ZNF208: variants seen among roughly 807,000 people sequenced by gnomAD.
The protein encoded by ZNF208 is zinc finger protein 208, also known as zinc finger protein 95.
A neutral mutation model predicts 12.1 loss-of-function variants in ZNF208; 10 were observed. The ratio of observed to expected loss-of-function variants is 0.83; its 90% confidence interval spans 0.51 to 1.40. The LOEUF (loss-of-function observed/expected upper bound fraction) is 1.40. Ranked by LOEUF, ZNF208 falls within the 40% of genes most tolerant of loss-of-function variation. The pLI is 0.00. For synonymous variants in ZNF208, 497 were observed against 488.4 expected (o/e 1.02, Z -0.23); for missense variants, 1,652 against 1,485.0 (o/e 1.11, Z -1.85).
chr19:22,009,936 A>G (rs140157801), intron 1 of ZNF208, among the ~76,000 whole-genome samples: 3 of 152,330 alleles, frequency 2.0e-5, no homozygotes, highest in African/African-American at 7.2e-5. Context: ...CTATAATCCC[A>G]GCATTTTGGG....
chr19:21,975,823 C>CAAAAA (rs532995268), intron 3 of ZNF208, among the ~76,000 whole-genome samples: 2 of 26,408 alleles, frequency 7.6e-5, no homozygotes, highest in African/African-American at 1.3e-4. Flanking sequence ...AGTCAAAGTC[C>CAAAAA]AAAAAAAAAA....
At chr19:21,944,386 A>G (rs182665599) in intron 4 of ZNF208, among the ~76,000 whole-genome samples, 57 of 152,344 alleles carry the variant, frequency 3.7e-4, no homozygotes, top group African/African-American at 1.2e-3. Flanking sequence ...CAAAGTCACA[A>G]TGTAGAAACC....
At chr19:21,975,896 A>AT (rs944269776) in intron 3 of ZNF208, among the ~76,000 whole-genome samples, 1 of 95,822 alleles carries the variant, frequency 1.0e-5, no homozygotes, top group African/African-American at 4.3e-5. Context: ...GTCCTGCCTA[A>AT]TGGGGGAAAA....
At chr19:21,950,203 A>G (rs1969869291) in intron 4 of ZNF208, among the ~76,000 whole-genome samples, 1 of 152,206 alleles carries the variant, frequency 6.6e-6, no homozygotes, top group Non-Finnish European at 1.5e-5. Context: ...TTTTATCTAT[A>G]TAAAACTTGT....
chr19:21,971,864 T>C lies in ZNF208; in HGVS notation c.3170A>G (p.Tyr1057Cys), dbSNP rs367994927. The C allele has an allele frequency of 4.7e-5, 76 of 1,613,404 alleles. No homozygotes were observed. The Middle Eastern group carries it at 1.3e-3, about 28-fold the overall frequency. Residue 1057 changes from tyrosine to cysteine, a missense_variant, in exon 4 of 4, where the codon TAC (tyrosine) becomes TGC (cysteine). Transcript: ENST00000397126. ...HKATHAGEKPYKCEECGKAFS... is the reference protein window; with the variant it reads ...HKATHAGEKPCKCEECGKAFS... The stretch of plus-strand genomic sequence containing the variant: ...GGCTTTGCCACATTCTTCACATTTG[T>C]AGGGTTTTTCTCCAGCATGAGTTGC...
chr19:21,949,540 T>TA (rs1256559779), intron 4 of ZNF208, among the ~76,000 whole-genome samples: 1 of 152,064 alleles, frequency 6.6e-6, no homozygotes, highest in Non-Finnish European at 1.5e-5. Flanking sequence ...ACCACCTTAT[T>TA]AAAAAAACTC....
At chr19:21,950,064 G>T (rs1408181466) in intron 4 of ZNF208, among the ~76,000 whole-genome samples, 1 of 152,134 alleles carries the variant, frequency 6.6e-6, no homozygotes, top group East Asian at 1.9e-4. Context: ...ACTGGTAAAA[G>T]ATATAAGAAG....
At chr19:21,964,401 A>C (rs998369706), downstream of ZNF208, among the ~76,000 whole-genome samples, 1 of 151,798 alleles carries the variant, frequency 6.6e-6, no homozygotes, top group East Asian at 1.9e-4. Flanking sequence ...GTTTAGAGTA[A>C]AATTCTCTCT....
rs564804255 is a variant in ZNF208, at chr19:21,967,228, T to A, written c.*3963A>T. On this transcript the variant is annotated 3_prime_UTR_variant, in exon 4 of 4. Coordinates refer to ENST00000397126, the MANE Select transcript of ZNF208 (RefSeq NM_007153.3). ...AATCTATATTGAGTTGTTTTTTTTT[T>A]ATAGAAAAAGGTAGTACAGTTTTCT... 16 of 152,222 alleles carry A rather than the reference T, an allele frequency of 1.1e-4. No homozygotes were observed. The highest frequency in any genetic ancestry group is 1.0e-3 in the South Asian group (5 of 4,832). The allele number at this position is 152,222 out of a possible 1,614,324, so 9.4% of individuals were successfully genotyped here.
chr19:22,005,497 C>A (rs189436924), intron 1 of ZNF208, among the ~76,000 whole-genome samples: 1 of 152,232 alleles, frequency 6.6e-6, no homozygotes, highest in Admixed American at 6.5e-5. Context: ...TTGATGAACA[C>A]CAACAATTCT....
At chr19:21,954,049 G>C (rs932677581) in intron 4 of ZNF208, among the ~76,000 whole-genome samples, 2 of 152,056 alleles carry the variant, frequency 1.3e-5, no homozygotes, top group African/African-American at 2.4e-5. Context: ...TGTTCTCATT[G>C]GTTTCAAAGA....
Position 21,968,257 on chromosome 19 carries a change from AC to A in ZNF208, c.*2933del, listed in dbSNP as rs540624630. The A allele has an allele frequency of 8.5e-5, 13 of 152,100 alleles. No homozygotes were observed. The East Asian group carries it at 2.5e-3, about 29-fold the overall frequency. The allele number at this position is 152,100 out of a possible 1,614,324, so 9.4% of individuals were successfully genotyped here. On this transcript the variant is annotated 3_prime_UTR_variant, in exon 4 of 4. Transcript: ENST00000397126. ...GCTAGGATTTCATAACTTCAATAGGACTGTTTAGAATGGATATTCTTATTTT... is the reference window on the plus strand; with the variant it reads ...GCTAGGATTTCATAACTTCAATAGGATGTTTAGAATGGATATTCTTATTTT...
intron 4 of ZNF208, among the ~76,000 whole-genome samples, chr19:21,959,381 T>C (rs1970027282): frequency 6.6e-6 from 1 of 152,216 alleles, no homozygotes; most frequent in South Asian, 2.1e-4. Context: ...CATACTCACA[T>C]ACACAGAAAA....
intron 4 of ZNF208, among the ~76,000 whole-genome samples, chr19:21,945,056 C>A (rs1969796038): frequency 6.6e-6 from 1 of 152,200 alleles, no homozygotes; most frequent in African/African-American, 2.4e-5. Flanking sequence ...AAAAAGCACA[C>A]CTGTGGGTGG....
chr19:21,944,652 A>C (rs377680917), intron 4 of ZNF208, among the ~76,000 whole-genome samples: 1 of 152,178 alleles, frequency 6.6e-6, no homozygotes, highest in African/African-American at 2.4e-5. Flanking sequence ...TGAAGATTGA[A>C]GCTCCAATGA....
intron 3 of ZNF208, among the ~76,000 whole-genome samples, chr19:21,985,641 G>A (rs1970618982): frequency 6.6e-6 from 1 of 152,172 alleles, no homozygotes; most frequent in Non-Finnish European, 1.5e-5. Context: ...GCCACAGTCT[G>A]TGAGAGGTCT....
intron 4 of ZNF208, among the ~76,000 whole-genome samples, chr19:21,952,748 AG>A (rs1969911014): frequency 1.3e-5 from 2 of 152,234 alleles, no homozygotes; most frequent in South Asian, 4.1e-4. Context: ...TCTAAAAACC[AG>A]GGCACCTTTT....
At chr19:21,976,525 G>A (rs1009176897) in intron 3 of ZNF208, among the ~76,000 whole-genome samples, 5 of 152,136 alleles carry the variant, frequency 3.3e-5, no homozygotes, top group Non-Finnish European at 7.4e-5. Flanking sequence ...TATATGGAAA[G>A]TTAACTTTCA....
chr19:21,960,018 A>C (rs925999688), intron 4 of ZNF208, among the ~76,000 whole-genome samples: 6 of 152,194 alleles, frequency 3.9e-5, no homozygotes, highest in Non-Finnish European at 7.3e-5. Flanking sequence ...TTTTCTGGTA[A>C]TACAGCAGTT....
Sources: gnomAD v4.1 joint callset for allele counts (sites outside exome capture counted in the v4.1 genomes callset) on GRCh38, gnomAD v4.1.1 for gene constraint, MANE v1.5 for transcripts, NCBI Gene and HGNC (gene_info 2026-07-23, HGNC 2026-07-21) for gene names.